The following NELL2 variants were observed in gnomAD, a reference collection of about 807,000 sequenced individuals.
NELL2 encodes the protein neural EGFL like 2.
Under a neutral mutation model 109.6 loss-of-function variants are expected in NELL2, and 41 were observed. The ratio of observed to expected loss-of-function variants is 0.37; its 90% CI spans 0.29 to 0.49. The LOEUF is 0.49. Among genes scored for constraint, NELL2 ranks in the 20% least tolerant of loss-of-function variants. The pLI, the probability that NELL2 is intolerant of heterozygous loss-of-function variation, is 0.98. For synonymous variants in NELL2, 355 were observed against 344.7 expected (o/e 1.03, Z -0.33); for missense variants, 900 against 1,008.3 (o/e 0.89, Z 1.45).
chr12:44,753,902 A>C (rs1403843584), intron 9 of NELL2, among the ~76,000 whole-genome samples: 1 of 152,174 alleles, frequency 6.6e-6, no homozygotes, highest in African/African-American at 2.4e-5. Flanking sequence ...TTGAATGACT[A>C]AATTTTTGTT....
chr12:44,514,021 A>G (rs753451655), intron 19 of NELL2, among the ~76,000 whole-genome samples: 4 of 151,784 alleles, frequency 2.6e-5, no homozygotes, highest in Non-Finnish European at 5.9e-5. Flanking sequence ...GAGAATCATG[A>G]AAGGAAAAAG....
At chr12:44,811,337 TAAAAAAA>T (rs10683929) in intron 3 of NELL2, among the ~76,000 whole-genome samples, 4 of 103,212 alleles carry the variant, frequency 3.9e-5, no homozygotes, top group African/African-American at 1.6e-4. Context: ...GAACTAAAAG[TAAAAAAA>T]AAAAAAAAAA....
chr12:44,631,090 T>G (rs915789870), intron 13 of NELL2, among the ~76,000 whole-genome samples: 1 of 151,978 alleles, frequency 6.6e-6, no homozygotes, highest in South Asian at 2.1e-4. Context: ...TCCTAGGTAT[T>G]ATTATACTGG....
At chr12:44,705,028 A>T (rs2136423598) in intron 11 of NELL2, among the ~76,000 whole-genome samples, 1 of 151,984 alleles carries the variant, frequency 6.6e-6, no homozygotes, top group Non-Finnish European at 1.5e-5. Flanking sequence ...AAAAAAAAAA[A>T]AAAAAAGGAC....
At chr12:44,915,031 T>G (rs1945818035), upstream of NELL2, among the ~76,000 whole-genome samples, 1 of 152,136 alleles carries the variant, frequency 6.6e-6, no homozygotes, top group Non-Finnish European at 1.5e-5. Context: ...TTGTATTTTT[T>G]TAGTAGAAAC....
At chr12:44,791,127 ATATATATACACACG>A (rs1942399113) in intron 3 of NELL2, among the ~76,000 whole-genome samples, 1 of 98,330 alleles carries the variant, frequency 1.0e-5, no homozygotes, top group African/African-American at 4.4e-5. Flanking sequence ...ATATGTATAT[ATATATATACACACG>A]CACACACATA....
intron 13 of NELL2, among the ~76,000 whole-genome samples, chr12:44,656,344 T>A (rs1335733681): frequency 6.6e-6 from 1 of 152,158 alleles, no homozygotes; most frequent in African/African-American, 2.4e-5. Flanking sequence ...TATTCACAGG[T>A]ACAGAAGAAG....
At chr12:44,761,794 T>C (rs1372109796) in intron 9 of NELL2, among the ~76,000 whole-genome samples, 1 of 152,126 alleles carries the variant, frequency 6.6e-6, no homozygotes, top group East Asian at 1.9e-4. Flanking sequence ...AATCAAATAC[T>C]GCATGTTCTC....
rs1941419544 is a variant in NELL2 at position 44,768,425 on chromosome 12, C to T, written c.994+6322G>A. On this transcript the variant is annotated intron_variant, in intron 9 of 19. Transcript: ENST00000429094. ...TTTAGCTATTTGTCTTTAGAGAAAA[C>T]ATTCCCTATCAGAAGCTCATTATCT... Among the ~76,000 whole-genome samples, 3 of 151,982 alleles carry T rather than the reference C, an allele frequency of 2.0e-5. 1 individual carries two copies. The highest frequency in any genetic ancestry group is 2.0e-4 in the Admixed American group (3 of 15,244).
chr12:44,812,122 T>C (rs1943199107), intron 3 of NELL2, among the ~76,000 whole-genome samples: 1 of 152,158 alleles, frequency 6.6e-6, no homozygotes, highest in South Asian at 2.1e-4. Context: ...CTGAGTTACA[T>C]TGAGAAAAGC....
At position 44,839,065 on chromosome 12, in the gene NELL2, C is replaced by T. The variant is rs1438887676; in HGVS notation, c.185-22929G>A. Among the ~76,000 whole-genome samples, 7 of 152,298 alleles carry T rather than the reference C, an allele frequency of 4.6e-5. No homozygotes were observed. The South Asian group carries it at 6.2e-4, about 14-fold the overall frequency. On this transcript the variant is annotated intron_variant, in intron 2 of 19. Transcript: ENST00000429094. ...ATTTTGTGCAACTCCCACACCTCCC[C>T]GCGCACGCTTCAATCTGTGCCACAC...
At chr12:44,677,501 TA>T (rs1489695252) in intron 12 of NELL2, among the ~76,000 whole-genome samples, 1 of 152,090 alleles carries the variant, frequency 6.6e-6, no homozygotes, top group Non-Finnish European at 1.5e-5. Flanking sequence ...AGCATACACA[TA>T]GGGGCATATG....
Position 44,637,279 on chromosome 12 carries a change from C to T in NELL2, c.1445-26309G>A, listed in dbSNP as rs565151066. On this transcript the variant is annotated intron_variant, in intron 13 of 19. Transcript: ENST00000429094. ...AGGTCCGATCTTAGTTATTTCTTGT[C>T]TTCTGCTAGCTTTTGAATTTGTTTG... Among the ~76,000 whole-genome samples, 41 of 151,308 alleles carry T rather than the reference C, an allele frequency of 2.7e-4. No homozygotes were observed. In the South Asian group the frequency reaches 8.1e-3, roughly 30 times the overall value.
chr12:44,655,285 T>C lies in NELL2; in HGVS notation c.1444+10199A>G, dbSNP rs116848824. Reference sequence around the variant, plus strand: ...CACTGGTGCTCTAAAGACCAAACTATGGCCAGCTGGGCTGGAGGTTGTATA... The same window carrying C: ...CACTGGTGCTCTAAAGACCAAACTACGGCCAGCTGGGCTGGAGGTTGTATA... On this transcript the variant is annotated intron_variant, in intron 13 of 19. Coordinates refer to ENST00000429094, the MANE Select transcript of NELL2 (RefSeq NM_001145108.2). Among the ~76,000 whole-genome samples, 185 of 152,162 alleles carry C rather than the reference T, an allele frequency of 1.2e-3. 3 individuals are homozygous for C. In the East Asian group the frequency reaches 0.027, roughly 22 times the overall value.
intron 13 of NELL2, among the ~76,000 whole-genome samples, chr12:44,640,578 T>G (rs1237057170): frequency 6.6e-6 from 1 of 151,348 alleles, no homozygotes; most frequent in African/African-American, 2.4e-5. Context: ...AGATATCTTA[T>G]GCTGACATTG....
intron 1 of NELL2, among the ~76,000 whole-genome samples, chr12:44,887,440 CCTGT>C (rs371158793): frequency 1.1e-4 from 17 of 152,032 alleles, no homozygotes; most frequent in African/African-American, 3.9e-4. Flanking sequence ...TCCATTATTG[CCTGT>C]CTTTTTTATA....
chr12:44,664,769 TTC>T (rs1314095887), intron 13 of NELL2, among the ~76,000 whole-genome samples: 2 of 152,160 alleles, frequency 1.3e-5, no homozygotes, highest in Admixed American at 6.5e-5. Context: ...AAAAGAAATG[TTC>T]TGTTTCACAC....
At chr12:44,676,030 T>G (rs1448260947) in intron 12 of NELL2, among the ~76,000 whole-genome samples, 1 of 152,148 alleles carries the variant, frequency 6.6e-6, no homozygotes, top group Non-Finnish European at 1.5e-5. Flanking sequence ...TTTATCTTGA[T>G]TATATCCTGT....
At chr12:44,701,943 G>T (rs909438626) in intron 12 of NELL2, among the ~76,000 whole-genome samples, 2 of 152,046 alleles carry the variant, frequency 1.3e-5, no homozygotes, top group African/African-American at 4.8e-5. Flanking sequence ...TTCTCCAACA[G>T]GATTTCCTTC....
Sources: allele counts gnomAD v4.1 joint callset (sites outside exome capture counted in the v4.1 genomes callset), GRCh38; gene constraint gnomAD v4.1.1; transcripts MANE v1.5; gene names NCBI Gene and HGNC (gene_info 2026-07-23, HGNC 2026-07-21).